BRINP2: variants seen among roughly 807,000 people sequenced by gnomAD.
The protein encoded by BRINP2 is BMP/retinoic acid-inducible neural-specific protein 2.
BRINP2 carries 21 observed loss-of-function variants against 69.2 expected under a neutral mutation model. The ratio of observed to expected loss-of-function variants is 0.30; its 90% CI spans 0.22 to 0.44. BRINP2 has a LOEUF of 0.44. Ranked by LOEUF, BRINP2 falls within the 20% of genes least tolerant of loss-of-function variation. The pLI, the probability that BRINP2 is intolerant of heterozygous loss-of-function variation, is 1.00. For synonymous variants in BRINP2, 380 were observed against 394.1 expected (o/e 0.96, Z 0.42); for missense variants, 877 against 986.0 (o/e 0.89, Z 1.48).
chr1:177,272,944 T>C (rs1651374923), intron 4 of BRINP2, among the ~76,000 whole-genome samples: 1 of 152,278 alleles, frequency 6.6e-6, no homozygotes, highest in Admixed American at 6.5e-5. Flanking sequence ...ATATACTTAT[T>C]AAAATATGCA....
rs1338603963 is a variant in BRINP2, at chr1:177,280,525, C to A, written c.1349C>A (p.Ser450Tyr). Residue 450 changes from serine to tyrosine, a missense_variant, in exon 8 of 8, where the codon TCT (serine) becomes TAT (tyrosine). Around this residue, in one of 3 missense-constraint regions of BRINP2, gnomAD observed 566 missense variants for 625.2 expected, o/e 0.91. Coordinates refer to ENST00000361539, the MANE Select transcript of BRINP2 (RefSeq NM_021165.4). ...AGCTGCACCTGCCCCTATGACCAAT[C>A]TTCCTGCCAGGGCCCCATCCCATGT... ...SHSCTCPYDQ[S>Y]SCQGPIPCAL... The A allele has an allele frequency of 3.7e-6, 6 of 1,614,230 alleles. No individual in the cohort carries two copies. Among genetic ancestry groups the A allele is most frequent in the Non-Finnish European group, 4.2e-6 (5 of 1,180,044 alleles).
chr1:177,226,091 C>T (rs1649681954), intron 1 of BRINP2, among the ~76,000 whole-genome samples: 1 of 152,196 alleles, frequency 6.6e-6, no homozygotes, highest in Admixed American at 6.5e-5. Flanking sequence ...ATATATCTTT[C>T]TTCTCTCAAA....
chr1:177,179,122 C>T (rs72720755), intron 1 of BRINP2, among the ~76,000 whole-genome samples: 6 of 152,072 alleles, frequency 3.9e-5, no homozygotes, highest in Non-Finnish European at 7.3e-5. Context: ...CCCGAGTCCA[C>T]ATTCTTTATT....
At chr1:177,211,491 C>T (rs1434297714) in intron 1 of BRINP2, among the ~76,000 whole-genome samples, 1 of 152,146 alleles carries the variant, frequency 6.6e-6, no homozygotes, top group South Asian at 2.1e-4. Flanking sequence ...TTTGTTCCTC[C>T]GTCCTACTTT....
intron 1 of BRINP2, among the ~76,000 whole-genome samples, chr1:177,201,180 T>C (rs1309429104): frequency 6.6e-6 from 1 of 152,044 alleles, no homozygotes; most frequent in South Asian, 2.1e-4. Flanking sequence ...CCCAAAACTA[T>C]TGAAATAAAA....
intron 1 of BRINP2, among the ~76,000 whole-genome samples, chr1:177,183,074 C>G (rs147105739): frequency 6.7e-6 from 1 of 149,362 alleles, no homozygotes; most frequent in Non-Finnish European, 1.5e-5. Flanking sequence ...GCAATCCAGC[C>G]TCCTAGGCAT....
intron 1 of BRINP2, among the ~76,000 whole-genome samples, chr1:177,208,655 G>T (rs1649130642): frequency 6.6e-6 from 1 of 151,346 alleles, no homozygotes; most frequent in African/African-American, 2.4e-5. Flanking sequence ...TTCAGCTGTT[G>T]TCCTTTAACT....
At chr1:177,228,636 T>C (rs1475658435) in intron 1 of BRINP2, among the ~76,000 whole-genome samples, 1 of 152,138 alleles carries the variant, frequency 6.6e-6, no homozygotes, top group Non-Finnish European at 1.5e-5. Context: ...TGCTGGAGGT[T>C]GGAGGTCATT....
At chr1:177,204,240 T>TCAAATTGAAGGTTG (rs1237331858) in intron 1 of BRINP2, among the ~76,000 whole-genome samples, 1 of 152,072 alleles carries the variant, frequency 6.6e-6, no homozygotes, top group East Asian at 1.9e-4. Flanking sequence ...TTGAGACACC[T>TCAAATTGAAGGTTG]AGTTGAAGTA....
At chr1:177,179,990 C>A (rs1197540315) in intron 1 of BRINP2, among the ~76,000 whole-genome samples, 2 of 152,074 alleles carry the variant, frequency 1.3e-5, no homozygotes, top group Non-Finnish European at 2.9e-5. Flanking sequence ...TGCATCTATA[C>A]CTTCTGAATG....
At chr1:177,232,226 T>C (rs1334621536) in intron 2 of BRINP2, among the ~76,000 whole-genome samples, 1 of 152,184 alleles carries the variant, frequency 6.6e-6, no homozygotes, top group Admixed American at 6.5e-5. Context: ...AGCTTCCTTA[T>C]CCCCTCAGGA....
At chr1:177,205,478 T>A (rs1282152050) in intron 1 of BRINP2, among the ~76,000 whole-genome samples, 2 of 152,192 alleles carry the variant, frequency 1.3e-5, no homozygotes, top group Non-Finnish European at 2.9e-5. Flanking sequence ...AGTTGAGGAA[T>A]AAGACGCAAG....
At chr1:177,241,023 G>A (rs977702523) in intron 2 of BRINP2, among the ~76,000 whole-genome samples, 1 of 151,842 alleles carries the variant, frequency 6.6e-6, no homozygotes, top group Non-Finnish European at 1.5e-5. Context: ...CCAGGCTGGA[G>A]TACAGTGGTG....
chr1:177,262,298 G>T (rs912419501), intron 4 of BRINP2, among the ~76,000 whole-genome samples: 2 of 152,112 alleles, frequency 1.3e-5, no homozygotes, highest in Non-Finnish European at 2.9e-5. Context: ...TGGATCACAA[G>T]GTCAAGAGAT....
chr1:177,195,048 A>T (rs531484496), intron 1 of BRINP2, among the ~76,000 whole-genome samples: 3 of 152,320 alleles, frequency 2.0e-5, no homozygotes, highest in East Asian at 1.9e-4. Flanking sequence ...TATAAAATTT[A>T]AAAAAATGAT....
At chr1:177,268,258 C>T (rs2139876) in intron 4 of BRINP2, among the ~76,000 whole-genome samples, 90,595 of 152,094 alleles carry the variant, frequency 0.6, 27,410 homozygotes, top group South Asian at 0.66. Context: ...CAGATCCATA[C>T]AGCAAAGGCC....
At chr1:177,253,627 G>A (rs529204748) in intron 2 of BRINP2, among the ~76,000 whole-genome samples, 3 of 152,172 alleles carry the variant, frequency 2.0e-5, no homozygotes, top group Admixed American at 6.5e-5. Context: ...ATGTCATAAA[G>A]CTTTTCCCCT....
At position 177,227,236 on chromosome 1, in the gene BRINP2, C is replaced by G. The variant is rs559205693; in HGVS notation, c.-76-2565C>G. 2.0e-5 allele frequency among the ~76,000 whole-genome samples: 3 copies of G among 152,324 alleles called. No homozygotes were observed. In the South Asian group the frequency reaches 6.2e-4, roughly 32 times the overall value. ...AATTCTGTGTTCCAGTGTCTTCCCA[C>G]CCGCATCCACGCATTTCCACCTTGC... On this transcript the variant is annotated intron_variant, in intron 1 of 7. Coordinates refer to ENST00000361539, the MANE Select transcript of BRINP2 (RefSeq NM_021165.4).
At chr1:177,250,188 G>T (rs1398553738) in intron 2 of BRINP2, among the ~76,000 whole-genome samples, 3 of 152,212 alleles carry the variant, frequency 2.0e-5, no homozygotes, top group Non-Finnish European at 4.4e-5. Flanking sequence ...TGGGACTACA[G>T]GCACTAGCCA....
Sources: gnomAD v4.1 joint callset for allele counts (sites outside exome capture counted in the v4.1 genomes callset) on GRCh38, gnomAD v4.1.1 for gene constraint, gnomAD v4.1.1 regional missense constraint, MANE v1.5 for transcripts, NCBI Gene and HGNC (gene_info 2026-07-23, HGNC 2026-07-21) for gene names.